POFUT3: variants seen among roughly 807,000 people sequenced by gnomAD.
POFUT3 encodes protein O-fucosyltransferase 3.
chr8:33,462,392 A>C, the POFUT3 span, among the ~76,000 whole-genome samples: 1 of 152,142 alleles, frequency 6.6e-6, no homozygotes, highest in Non-Finnish European at 1.5e-5. Flanking sequence ...CTCCCATAAA[A>C]TTTAGGAAGA....
the POFUT3 span, among the ~76,000 whole-genome samples, chr8:33,334,291 C>T: frequency 9.9e-5 from 15 of 152,134 alleles, no homozygotes; most frequent in Non-Finnish European, 2.1e-4. Context: ...GATCTTGGCT[C>T]ACTGCAGCCT....
At chr8:33,343,197 A>C in the POFUT3 span, among the ~76,000 whole-genome samples, 1 of 152,218 alleles carries the variant, frequency 6.6e-6, no homozygotes, top group Non-Finnish European at 1.5e-5. Flanking sequence ...TTTACTTCTC[A>C]AGGGTTCCAC....
At chr8:33,332,309 G>T in the POFUT3 span, among the ~76,000 whole-genome samples, 1 of 151,184 alleles carries the variant, frequency 6.6e-6, no homozygotes, top group Non-Finnish European at 1.5e-5. Flanking sequence ...CATGGTGAAA[G>T]CCTGTCTCTA....
At chr8:33,309,817 G>A in the POFUT3 span, among the ~76,000 whole-genome samples, 3 of 152,126 alleles carry the variant, frequency 2.0e-5, no homozygotes, top group African/African-American at 7.2e-5. Context: ...TAAAATGAAT[G>A]AAGCCAACCA....
At chr8:33,328,509 G>C in the POFUT3 span, among the ~76,000 whole-genome samples, 1 of 152,140 alleles carries the variant, frequency 6.6e-6, no homozygotes, top group East Asian at 1.9e-4. Context: ...ATTCCACGGG[G>C]CACTCTGGAC....
At chr8:33,332,267 T>G in the POFUT3 span, among the ~76,000 whole-genome samples, 75 of 150,736 alleles carry the variant, frequency 5.0e-4, no homozygotes, top group South Asian at 4.4e-3. Flanking sequence ...GCAGATTATT[T>G]GAGATCAGGA....
the POFUT3 span, among the ~76,000 whole-genome samples, chr8:33,328,466 G>A: frequency 2.0e-5 from 3 of 152,162 alleles, no homozygotes; most frequent in East Asian, 1.9e-4. Context: ...ACAGAAGTCT[G>A]CAGCTCTGCC....
the POFUT3 span, among the ~76,000 whole-genome samples, chr8:33,384,267 T>C: frequency 6.6e-6 from 1 of 152,146 alleles, no homozygotes; most frequent in Non-Finnish European, 1.5e-5. Flanking sequence ...TGGTTCTCAC[T>C]CACAGGCAGA....
chr8:33,455,396 C>T, the POFUT3 span, among the ~76,000 whole-genome samples: 2 of 152,146 alleles, frequency 1.3e-5, no homozygotes, highest in African/African-American at 2.4e-5. Context: ...CAGTGGCATA[C>T]ACCTATAGTC....
chr8:33,372,573 G>T, the POFUT3 span: 2 of 1,610,852 alleles, frequency 1.2e-6, no homozygotes, highest in East Asian at 2.2e-5. Context: ...GATCATTTTT[G>T]AAATCAGTCC....
At chr8:33,308,521 T>C in the POFUT3 span, among the ~76,000 whole-genome samples, 1 of 152,136 alleles carries the variant, frequency 6.6e-6, no homozygotes, top group African/African-American at 2.4e-5. Context: ...AAGCATCAGA[T>C]CTTTTTACCA....
the POFUT3 span, among the ~76,000 whole-genome samples, chr8:33,458,956 A>G: frequency 2.0e-5 from 3 of 152,204 alleles, 1 homozygote; most frequent in South Asian, 6.2e-4. Context: ...CACAGAAGGG[A>G]GATCCTGCAG....
At chr8:33,352,876 C>T in the POFUT3 span, among the ~76,000 whole-genome samples, 1 of 152,214 alleles carries the variant, frequency 6.6e-6, no homozygotes, top group Non-Finnish European at 1.5e-5. Flanking sequence ...TCCTCTACAA[C>T]AGACATCAAA....
the POFUT3 span, among the ~76,000 whole-genome samples, chr8:33,407,480 C>T: frequency 2.6e-5 from 4 of 152,062 alleles, no homozygotes; most frequent in Admixed American, 6.6e-5. Context: ...GCATTAAATG[C>T]TGGTGATGTT....
chr8:33,425,143 C>T, the POFUT3 span, among the ~76,000 whole-genome samples: 3 of 152,016 alleles, frequency 2.0e-5, no homozygotes, highest in Non-Finnish European at 4.4e-5. Context: ...CAAGACCAGC[C>T]TGGGCAACAC....
chr8:33,418,872 A>G, the POFUT3 span, among the ~76,000 whole-genome samples: 1 of 152,224 alleles, frequency 6.6e-6, no homozygotes, highest in Non-Finnish European at 1.5e-5. Context: ...ACACATATAC[A>G]CAATATAATA....
the POFUT3 span, among the ~76,000 whole-genome samples, chr8:33,447,009 GCT>G: frequency 1.3e-5 from 2 of 152,158 alleles, no homozygotes; most frequent in African/African-American, 4.8e-5. Context: ...GACTAGGTCT[GCT>G]CTCAGTTTTT....
the POFUT3 span, among the ~76,000 whole-genome samples, chr8:33,337,896 A>G: frequency 2.0e-5 from 3 of 152,220 alleles, no homozygotes; most frequent in South Asian, 6.2e-4. Context: ...GTTTCTTCCA[A>G]GATCTATGGC....
chr8:33,436,410 C>G, the POFUT3 span: 1 of 1,430,280 alleles, frequency 7.0e-7, no homozygotes, highest in Non-Finnish European at 9.8e-7. Context: ...ACTCCTCAAA[C>G]TTGGCTGGAA....
Sources: gnomAD v4.1 joint callset for allele counts (sites outside exome capture counted in the v4.1 genomes callset) on GRCh38, gnomAD v4.1.1 for gene constraint, MANE v1.5 for transcripts, NCBI Gene and HGNC (gene_info 2026-07-23, HGNC 2026-07-21) for gene names.